The following AGBL1 variants were observed in gnomAD, a reference collection of about 807,000 sequenced individuals.
AGBL1 encodes AGBL carboxypeptidase 1.
In AGBL1, 130 loss-of-function variants were observed where a neutral mutation model predicts 118.9. That is an observed-to-expected ratio of 1.09 (90% CI 0.95 to 1.26). The LOEUF (loss-of-function observed/expected upper bound fraction) is 1.26. AGBL1 is among the 50% of genes most tolerant of loss of function. AGBL1 has a pLI of 0.00. For missense variants in AGBL1, 1,584 were observed against 1,298.1 expected (o/e 1.22, Z -3.38); for synonymous variants, 555 against 478.9 (o/e 1.16, Z -2.08).
chr15:86,266,015 T>G (rs914017781), intron 11 of AGBL1, among the ~76,000 whole-genome samples: 1 of 152,178 alleles, frequency 6.6e-6, no homozygotes, highest in Non-Finnish European at 1.5e-5. Context: ...CCTAATGTCT[T>G]CCTCAAAACT....
intron 6 of AGBL1, among the ~76,000 whole-genome samples, chr15:86,242,242 T>A (rs2078652212): frequency 6.6e-6 from 1 of 151,966 alleles, no homozygotes; most frequent in Non-Finnish European, 1.5e-5. Context: ...GACTAATACA[T>A]TTGTCCGTAG....
chr15:86,710,504 C>A (rs1449238485), intron 22 of AGBL1, among the ~76,000 whole-genome samples: 1 of 152,080 alleles, frequency 6.6e-6, no homozygotes. Context: ...TGGAAAAGTG[C>A]AATTTAATTG....
Position 86,219,371 on chromosome 15 carries a change from G to T in AGBL1, c.489-5543G>T, listed in dbSNP as rs2078242208. ...CAACCTAATAATATTACATTTCAGGGGCTCTAGTAAGCTTTTTAACGTAAT... is the reference window on the plus strand; with the variant it reads ...CAACCTAATAATATTACATTTCAGGTGCTCTAGTAAGCTTTTTAACGTAAT... On this transcript the variant is annotated intron_variant, in intron 5 of 22. Transcript: ENST00000614907. Among the ~76,000 whole-genome samples the T allele has an allele frequency of 1.3e-5, 2 of 151,946 alleles. 1 individual carries two copies. The highest frequency in any genetic ancestry group is 1.3e-4 in the Admixed American group (2 of 15,254).
chr15:86,484,360 CA>C (rs2142129992), intron 18 of AGBL1, among the ~76,000 whole-genome samples: 1 of 152,196 alleles, frequency 6.6e-6, no homozygotes, highest in South Asian at 2.1e-4. Flanking sequence ...TTTATTTGTG[CA>C]CCAGCAGAGA....
chr15:86,973,748 C>G (rs1366035787), intron 23 of AGBL1, among the ~76,000 whole-genome samples: 1 of 151,396 alleles, frequency 6.6e-6, no homozygotes, highest in Non-Finnish European at 1.5e-5. Flanking sequence ...TGTTAAGAGA[C>G]CAGGCTTCCC....
intron 22 of AGBL1, among the ~76,000 whole-genome samples, chr15:86,731,120 T>A (rs2077521554): frequency 6.6e-6 from 1 of 152,144 alleles, no homozygotes; most frequent in Non-Finnish European, 1.5e-5. Flanking sequence ...TGTAAGCCAC[T>A]GCACCCGGCC....
chr15:86,408,924 T>G (rs2081573605), intron 18 of AGBL1, among the ~76,000 whole-genome samples: 1 of 152,200 alleles, frequency 6.6e-6, no homozygotes, highest in Non-Finnish European at 1.5e-5. Context: ...TCAGCCATTT[T>G]GAATGTGAAG....
chr15:86,430,508 G>A (rs1275225517), intron 18 of AGBL1, among the ~76,000 whole-genome samples: 2 of 147,238 alleles, frequency 1.4e-5, no homozygotes, highest in Admixed American at 6.7e-5. Context: ...AAAAAAAAAT[G>A]TGTGTGTGTG....
intron 24 of AGBL1, among the ~76,000 whole-genome samples, chr15:86,991,434 A>T (rs1316663571): frequency 1.3e-5 from 2 of 151,560 alleles, no homozygotes; most frequent in African/African-American, 4.9e-5. Context: ...TGTTCATTTC[A>T]GATTTATATT....
chr15:86,354,886 G>A (rs1202022169), intron 17 of AGBL1, among the ~76,000 whole-genome samples: 1 of 152,182 alleles, frequency 6.6e-6, no homozygotes, highest in Non-Finnish European at 1.5e-5. Flanking sequence ...GTGGTAGAAA[G>A]GAGGCAGAAG....
Position 86,087,224 on chromosome 15 carries a change from T to C in AGBL1, c.51+7201T>C, listed in dbSNP as rs140437127. Among the ~76,000 whole-genome samples the C allele has an allele frequency of 5.9e-5, 9 of 152,322 alleles. No homozygotes were observed. The East Asian group carries it at 1.7e-3, about 29-fold the overall frequency. Reference sequence around the variant, plus strand: ...ATTTCTTTTGTGTTCAGTTCCCTCTTCTTGGTCCTTTTCATAATAGCTAAA... The same window carrying C: ...ATTTCTTTTGTGTTCAGTTCCCTCTCCTTGGTCCTTTTCATAATAGCTAAA... On this transcript the variant is annotated intron_variant, in intron 1 of 22. Coordinates refer to ENST00000614907, the MANE Select transcript of AGBL1 (RefSeq NM_001386094.1).
intron 17 of AGBL1, among the ~76,000 whole-genome samples, chr15:86,390,108 A>G (rs1310091774): frequency 6.6e-6 from 1 of 152,214 alleles, no homozygotes; most frequent in Non-Finnish European, 1.5e-5. Flanking sequence ...AAAGCCAGCA[A>G]AGCTATATTT....
At chr15:86,683,145 G>T (rs1331182698) in intron 22 of AGBL1, among the ~76,000 whole-genome samples, 1 of 151,980 alleles carries the variant, frequency 6.6e-6, no homozygotes, top group Non-Finnish European at 1.5e-5. Context: ...CAGATGGGGG[G>T]GCATTAAATG....
chr15:86,685,971 T>C (rs2575873), intron 22 of AGBL1, among the ~76,000 whole-genome samples: 82,464 of 151,946 alleles, frequency 0.54, 22,994 homozygotes, highest in Non-Finnish European at 0.6. Context: ...GGGAAATATA[T>C]GTGAAAGTAA....
In AGBL1 at chr15:86,548,649, A is replaced by G. The variant is rs2083619739; in HGVS notation, c.2817+2516A>G. Among the ~76,000 whole-genome samples the G allele has an allele frequency of 3.6e-5, 5 of 137,848 alleles. No homozygotes were observed. In the Admixed American group the frequency reaches 3.7e-4, roughly 10 times the overall value. The allele number at this position is 137,848 out of a possible 152,430, so 90.4% of individuals were successfully genotyped here. On this transcript the variant is annotated intron_variant, in intron 20 of 22. Coordinates refer to ENST00000614907, the MANE Select transcript of AGBL1 (RefSeq NM_001386094.1). ...TTTACCAACAGAAGGATAGCCACAC[A>G]CACACACATGCACGCACACACACAC...
chr15:86,185,268 G>A (rs2077612658), intron 5 of AGBL1, among the ~76,000 whole-genome samples: 2 of 152,182 alleles, frequency 1.3e-5, no homozygotes, highest in African/African-American at 4.8e-5. Flanking sequence ...AGGTGCTGGA[G>A]AGGATGTGGC....
chr15:86,178,653 A>C (rs1193237816), intron 5 of AGBL1, among the ~76,000 whole-genome samples: 1 of 152,254 alleles, frequency 6.6e-6, no homozygotes, highest in East Asian at 1.9e-4. Flanking sequence ...TCTACCAAAC[A>C]TTTAAAAATA....
Position 86,271,845 on chromosome 15 carries a change from G to A in AGBL1, c.2075+139G>A, listed in dbSNP as rs191325642. ...TTTTGTCACTCTGTCCTAATGGCCA[G>A]TGTCCGGCCCTTCAGAGATATAAGC... On this transcript the variant is annotated intron_variant, in intron 15 of 22. Transcript: ENST00000614907. 220 of 766,120 alleles carry A rather than the reference G, an allele frequency of 2.9e-4. 1 individual carries two copies. In the East Asian group the frequency reaches 5.7e-3, roughly 20 times the overall value. 47.5% of individuals were successfully genotyped at this position (766,120 alleles called of 1,614,324 possible).
At chr15:86,518,079 A>G (rs1015736961) in intron 18 of AGBL1, among the ~76,000 whole-genome samples, 1 of 152,144 alleles carries the variant, frequency 6.6e-6, no homozygotes, top group African/African-American at 2.4e-5. Context: ...TCATTCATTC[A>G]GTCTGATGGG....
Sources: gnomAD v4.1 joint callset for allele counts (sites outside exome capture counted in the v4.1 genomes callset) on GRCh38, gnomAD v4.1.1 for gene constraint, MANE v1.5 for transcripts, NCBI Gene and HGNC (gene_info 2026-07-23, HGNC 2026-07-21) for gene names.